The following LYPD6B variants were observed in gnomAD, a reference collection of about 807,000 sequenced individuals.
LYPD6B encodes ly6/PLAUR domain-containing protein 6B.
A neutral mutation model predicts 22.8 loss-of-function variants in LYPD6B; 17 were observed. That is an observed-to-expected ratio of 0.75 (90% CI 0.51 to 1.12). The LOEUF (loss-of-function observed/expected upper bound fraction) is 1.12, where lower values mean the gene tolerates loss of function less well. Among genes scored for constraint, LYPD6B ranks in the 50% most tolerant of loss-of-function variants. The probability of loss-of-function intolerance (pLI) is 0.00; values close to 1 mark genes in which losing one functional copy is unlikely to be tolerated. For synonymous variants in LYPD6B, 106 were observed against 91.6 expected (o/e 1.16, Z -0.90); for missense variants, 221 against 258.3 (o/e 0.86, Z 0.99).
At chr2:149,122,460 T>C (rs983972849) in intron 1 of LYPD6B, among the ~76,000 whole-genome samples, 103 of 152,022 alleles carry the variant, frequency 6.8e-4, no homozygotes, top group African/African-American at 2.2e-3. Flanking sequence ...AGGGTACATG[T>C]GCACAATGTG....
chr2:149,169,402 G>A (rs1208381058), intron 3 of LYPD6B, among the ~76,000 whole-genome samples: 1 of 152,170 alleles, frequency 6.6e-6, no homozygotes, highest in Non-Finnish European at 1.5e-5. Context: ...TAGTCTGATT[G>A]GAGCATGACT....
intron 1 of LYPD6B, among the ~76,000 whole-genome samples, chr2:149,066,007 C>T (rs1362623170): frequency 1.3e-5 from 2 of 152,078 alleles, no homozygotes; most frequent in East Asian, 1.9e-4. Context: ...CTACCGCACT[C>T]GGCCCTAATA....
chr2:149,062,768 T>C (rs1206321381), intron 1 of LYPD6B, among the ~76,000 whole-genome samples: 1 of 151,918 alleles, frequency 6.6e-6, no homozygotes, highest in Non-Finnish European at 1.5e-5. Flanking sequence ...CATCATGTCC[T>C]GTGCTTCAGG....
chr2:149,150,222 A>G (rs1205981111), intron 2 of LYPD6B, among the ~76,000 whole-genome samples: 2 of 152,144 alleles, frequency 1.3e-5, no homozygotes, highest in African/African-American at 4.8e-5. Context: ...GTTGCTCTGT[A>G]TGCTTGGTGT....
chr2:149,157,674 T>C (rs1689796804), intron 2 of LYPD6B, among the ~76,000 whole-genome samples: 1 of 152,228 alleles, frequency 6.6e-6, no homozygotes, highest in Non-Finnish European at 1.5e-5. Flanking sequence ...CCATCTGCTC[T>C]TCCATACACG....
intron 3 of LYPD6B, among the ~76,000 whole-genome samples, chr2:149,171,202 G>A (rs965626789): frequency 2.0e-5 from 3 of 152,068 alleles, no homozygotes; most frequent in African/African-American, 7.2e-5. Flanking sequence ...TGCGATTCCT[G>A]TGTGAAATAG....
intron 3 of LYPD6B, among the ~76,000 whole-genome samples, chr2:149,180,505 C>G (rs995233395): frequency 2.0e-5 from 3 of 152,086 alleles, no homozygotes; most frequent in African/African-American, 7.2e-5. Context: ...TCTTAGCCCC[C>G]CAGAGGAGAC....
chr2:149,163,345 T>C (rs941774270), intron 3 of LYPD6B, among the ~76,000 whole-genome samples: 1 of 152,122 alleles, frequency 6.6e-6, no homozygotes, highest in Non-Finnish European at 1.5e-5. Context: ...TACTTTTATA[T>C]AATTCTTGCC....
Position 149,082,831 on chromosome 2 carries a change from G to T in LYPD6B, c.-67+44030G>T, listed in dbSNP as rs73963335. On this transcript the variant is annotated intron_variant, in intron 1 of 6. Transcript: ENST00000409642. Reference sequence around the variant, plus strand: ...TGGTTAATAATCACGATGTAGTAAGGCAGCTGGAAAAGCTTGTCAGCGGAA... The same window carrying T: ...TGGTTAATAATCACGATGTAGTAAGTCAGCTGGAAAAGCTTGTCAGCGGAA... 6.5e-3 allele frequency among the ~76,000 whole-genome samples: 987 copies of T among 152,270 alleles called. 18 individuals carry two copies. The highest frequency in any genetic ancestry group is 0.021 in the African/African-American group (886 of 41,550).
intron 1 of LYPD6B, among the ~76,000 whole-genome samples, chr2:149,112,954 T>C (rs1394881690): frequency 6.6e-6 from 1 of 152,186 alleles, no homozygotes; most frequent in Non-Finnish European, 1.5e-5. Context: ...AGGTGATATG[T>C]ATTTTTTCTG....
At chr2:149,150,490 T>C (rs760432378) in intron 2 of LYPD6B, among the ~76,000 whole-genome samples, 2 of 152,174 alleles carry the variant, frequency 1.3e-5, no homozygotes, top group Non-Finnish European at 2.9e-5. Context: ...GTTTGTTTGT[T>C]TGTTTTTAGG....
chr2:149,148,496 G>T (rs1689171489), intron 2 of LYPD6B, among the ~76,000 whole-genome samples: 1 of 152,136 alleles, frequency 6.6e-6, no homozygotes, highest in African/African-American at 2.4e-5. Flanking sequence ...CCTCTTTTTG[G>T]CTCATGGACC....
chr2:149,198,223 A>G (rs1390502200), intron 3 of LYPD6B, among the ~76,000 whole-genome samples: 1 of 151,564 alleles, frequency 6.6e-6, no homozygotes, highest in Non-Finnish European at 1.5e-5. Context: ...TGTATTTTTT[A>G]AGTAAAGACA....
Position 149,121,388 on chromosome 2 carries a change from G to A in LYPD6B, c.-66-9495G>A, listed in dbSNP as rs139341475. On this transcript the variant is annotated intron_variant, in intron 1 of 6. Coordinates refer to ENST00000409642, the MANE Select transcript of LYPD6B (RefSeq NM_177964.5). ...GTGAGTGCTTTTTCTACTTTTTTAT[G>A]TGATTAATTTTCAAAACTCTAATCT... Among the ~76,000 whole-genome samples the A allele has an allele frequency of 3.0e-3, 456 of 152,216 alleles. 1 individual carries two copies. The highest frequency in any genetic ancestry group is 0.01 in the African/African-American group (433 of 41,518).
At chr2:149,159,103 C>T (rs1174731985) in intron 2 of LYPD6B, among the ~76,000 whole-genome samples, 1 of 151,820 alleles carries the variant, frequency 6.6e-6, no homozygotes, top group East Asian at 1.9e-4. Flanking sequence ...ACTTTGGTGT[C>T]GTATTTCATG....
chr2:149,090,844 C>T (rs887918031), intron 1 of LYPD6B, among the ~76,000 whole-genome samples: 1 of 152,100 alleles, frequency 6.6e-6, no homozygotes, highest in African/African-American at 2.4e-5. Flanking sequence ...TTTGAAATCA[C>T]AAGGGTATAA....
chr2:149,124,140 A>T (rs1330517963), intron 1 of LYPD6B, among the ~76,000 whole-genome samples: 1 of 152,148 alleles, frequency 6.6e-6, no homozygotes, highest in Non-Finnish European at 1.5e-5. Context: ...TGAAGTACTA[A>T]TTCCCTTTGT....
At chr2:149,075,584 GAA>G (rs1383709987) in intron 1 of LYPD6B, among the ~76,000 whole-genome samples, 2 of 152,128 alleles carry the variant, frequency 1.3e-5, no homozygotes, top group African/African-American at 4.8e-5. Flanking sequence ...AAAGAAAAAA[GAA>G]AACTCATTTA....
At chr2:149,175,061 C>CTCTCTCTCTCTCTGTGTG (rs1454802925) in intron 3 of LYPD6B, among the ~76,000 whole-genome samples, 94 of 113,042 alleles carry the variant, frequency 8.3e-4, no homozygotes, top group East Asian at 3.8e-3. Flanking sequence ...CTCTCTCTCT[C>CTCTCTCTCTCTCTGTGTG]TGTGTGTGTG....
Sources: allele counts gnomAD v4.1 joint callset (sites outside exome capture counted in the v4.1 genomes callset), GRCh38; gene constraint gnomAD v4.1.1; transcripts MANE v1.5; gene names NCBI Gene and HGNC (gene_info 2026-07-23, HGNC 2026-07-21).